Variants in RSU1 observed in about 807,000 individuals in gnomAD.
RSU1 encodes Ras suppressor protein 1.
A neutral mutation model predicts 31.1 loss-of-function variants in RSU1; 26 were observed. The ratio of observed to expected loss-of-function variants is 0.84; its 90% confidence interval spans 0.61 to 1.16. The LOEUF (loss-of-function observed/expected upper bound fraction) is 1.16, where lower values mean the gene tolerates loss of function less well. Among genes scored for constraint, RSU1 ranks in the 50% most tolerant of loss-of-function variants. The pLI, the probability that RSU1 is intolerant of heterozygous loss-of-function variation, is 0.00. For synonymous variants in RSU1, 164 were observed against 136.3 expected (o/e 1.20, Z -1.41); for missense variants, 320 against 339.1 (o/e 0.94, Z 0.44).
At chr10:16,727,257 G>A in intron 7 of RSU1, 1 of 393,524 alleles carries the variant, frequency 2.5e-6, no homozygotes, top group South Asian at 1.8e-5. Flanking sequence ...TTTCACAGAG[G>A]AGATAACTTG....
intron 7 of RSU1, among the ~76,000 whole-genome samples, chr10:16,717,188 C>T (rs551016194): frequency 1.6e-4 from 24 of 152,132 alleles, no homozygotes; most frequent in Non-Finnish European, 3.1e-4. Flanking sequence ...AGCTTTGCTT[C>T]CCGCTCTGGG....
chr10:16,673,996 A>G (rs889766693), intron 8 of RSU1, among the ~76,000 whole-genome samples: 2 of 152,168 alleles, frequency 1.3e-5, no homozygotes, highest in Non-Finnish European at 2.9e-5. Flanking sequence ...GGAACACAAA[A>G]GCAACACCTG....
chr10:16,805,485 C>G (rs1471987276), intron 2 of RSU1, among the ~76,000 whole-genome samples: 1 of 151,720 alleles, frequency 6.6e-6, no homozygotes, highest in African/African-American at 2.4e-5. Context: ...TCCTGGCTAA[C>G]ACGGTGAAAC....
Position 16,652,848 on chromosome 10 carries a change from AT to A in RSU1, c.731+42174del, listed in dbSNP as rs112853189. Among the ~76,000 whole-genome samples the A allele has an allele frequency of 5.5e-3, 799 of 145,542 alleles. 8 individuals are homozygous for A. The highest frequency in any genetic ancestry group is 0.018 in the African/African-American group (721 of 39,982). On this transcript the variant is annotated intron_variant, in intron 8 of 8. Coordinates refer to ENST00000345264, the MANE Select transcript of RSU1 (RefSeq NM_012425.4). Reference sequence around the variant, plus strand: ...CAGGTGCACCACCATGCCTGGCTACATTTTTTTTTTTAAAGAGATGGGGTCT... The same window carrying A: ...CAGGTGCACCACCATGCCTGGCTACATTTTTTTTTTAAAGAGATGGGGTCT...
At chr10:16,677,081 A>G (rs1476858186) in intron 8 of RSU1, among the ~76,000 whole-genome samples, 1 of 152,192 alleles carries the variant, frequency 6.6e-6, no homozygotes, top group Non-Finnish European at 1.5e-5. Context: ...GATCATGTAC[A>G]TTCCCCTAAA....
chr10:16,608,034 T>C (rs1459352301), intron 8 of RSU1, among the ~76,000 whole-genome samples: 1 of 152,134 alleles, frequency 6.6e-6, no homozygotes, highest in African/African-American at 2.4e-5. Context: ...TTTTGCCTTG[T>C]TTCCCACGCT....
intron 8 of RSU1, among the ~76,000 whole-genome samples, chr10:16,657,631 T>C (rs1045339354): frequency 6.6e-6 from 1 of 152,294 alleles, no homozygotes; most frequent in East Asian, 1.9e-4. Context: ...ATTCCTTTCC[T>C]ATAATCTTGT....
intron 8 of RSU1, among the ~76,000 whole-genome samples, chr10:16,599,417 T>A (rs1833677889): frequency 6.6e-6 from 1 of 152,116 alleles, no homozygotes; most frequent in Non-Finnish European, 1.5e-5. Context: ...CCACTGCAGC[T>A]CTCTGCTCAT....
At chr10:16,606,482 A>G (rs1833807210) in intron 8 of RSU1, among the ~76,000 whole-genome samples, 1 of 152,104 alleles carries the variant, frequency 6.6e-6, no homozygotes, top group Non-Finnish European at 1.5e-5. Flanking sequence ...AAAAATCAGA[A>G]TGAATTTTTA....
Position 16,592,326 on chromosome 10 carries a change from G to A in RSU1, c.*1068C>T, listed in dbSNP as rs1045553210. ...TTCTGGGGTTGACAGCCCTTTCAGT[G>A]AGCACAAAACCTCAGCTTGCATTTA... On this transcript the variant is annotated 3_prime_UTR_variant, in exon 9 of 9. Transcript: ENST00000345264. The A allele has an allele frequency of 6.6e-6, 1 of 152,122 alleles. No homozygotes were observed. Among genetic ancestry groups the A allele is most frequent in the African/African-American group, 2.4e-5 (1 of 41,438 alleles). The allele number at this position is 152,122 out of a possible 1,614,324, so 9.4% of individuals were successfully genotyped here.
chr10:16,655,283 A>G (rs1179032238), intron 8 of RSU1, among the ~76,000 whole-genome samples: 1 of 152,202 alleles, frequency 6.6e-6, no homozygotes, highest in East Asian at 1.9e-4. Context: ...ACCACTGCTA[A>G]TATTTGACAA....
intron 8 of RSU1, among the ~76,000 whole-genome samples, chr10:16,600,073 C>T (rs1588667603): frequency 6.6e-6 from 1 of 152,120 alleles, no homozygotes; most frequent in Admixed American, 6.5e-5. Context: ...AACGAGAAAC[C>T]GCACTCTGAA....
At chr10:16,766,059 A>G (rs1837307285) in intron 3 of RSU1, among the ~76,000 whole-genome samples, 1 of 152,254 alleles carries the variant, frequency 6.6e-6, no homozygotes, top group African/African-American at 2.4e-5. Context: ...GAAATGTCTA[A>G]GGTATCACTG....
At chr10:16,690,108 A>G (rs982731041) in intron 8 of RSU1, among the ~76,000 whole-genome samples, 1 of 152,178 alleles carries the variant, frequency 6.6e-6, no homozygotes, top group Non-Finnish European at 1.5e-5. Flanking sequence ...GAATCTTGTC[A>G]AGGGTGCTGA....
chr10:16,611,869 C>T (rs1475819941), intron 8 of RSU1, among the ~76,000 whole-genome samples: 1 of 152,158 alleles, frequency 6.6e-6, no homozygotes, highest in African/African-American at 2.4e-5. Flanking sequence ...ATGTTCAGCA[C>T]CTGTGTGAAA....
intron 3 of RSU1, among the ~76,000 whole-genome samples, chr10:16,768,762 G>A (rs1263029101): frequency 5.3e-5 from 8 of 152,288 alleles, no homozygotes; most frequent in Admixed American, 4.6e-4. Flanking sequence ...TCCATCTGAC[G>A]TGCCAGCCCA....
rs764780637 is a variant in RSU1 at position 16,801,430 on chromosome 10, C to T, written c.109+15543G>A. ...AAATGCAAAGAGAAAGAAACAAATC[C>T]GCTATTATACTTGGAGACGTCAAGA... is the stretch of plus-strand genomic sequence containing the variant. On this transcript the variant is annotated intron_variant, in intron 2 of 8. Coordinates refer to ENST00000345264, the MANE Select transcript of RSU1 (RefSeq NM_012425.4). Among the ~76,000 whole-genome samples the T allele has an allele frequency of 5.3e-5, 8 of 152,004 alleles. 1 individual carries two copies. Among genetic ancestry groups the T allele is most frequent in the South Asian group, 4.1e-4 (2 of 4,824 alleles).
At chr10:16,708,077 G>A (rs776314256) in intron 7 of RSU1, among the ~76,000 whole-genome samples, 6 of 151,946 alleles carry the variant, frequency 3.9e-5, no homozygotes, top group Non-Finnish European at 8.8e-5. Context: ...TGGTTTATGC[G>A]TCTGTTTTTA....
intron 8 of RSU1, among the ~76,000 whole-genome samples, chr10:16,692,749 ATC>A (rs1413548031): frequency 6.6e-6 from 1 of 152,180 alleles, no homozygotes; most frequent in African/African-American, 2.4e-5. Context: ...AAAAAATTGA[ATC>A]TGTAATAACT....
Sources: allele counts gnomAD v4.1 joint callset (sites outside exome capture counted in the v4.1 genomes callset), GRCh38; gene constraint gnomAD v4.1.1; transcripts MANE v1.5; gene names NCBI Gene and HGNC (gene_info 2026-07-23, HGNC 2026-07-21).